The following FAAH2 variants were observed in gnomAD, a reference collection of about 807,000 sequenced individuals.
FAAH2 encodes fatty acid amide hydrolase 2.
In FAAH2, 60 loss-of-function variants were observed where a neutral mutation model predicts 36.9. The ratio of observed to expected loss-of-function variants is 1.63; its 90% CI spans 1.32 to 2.02. The LOEUF (loss-of-function observed/expected upper bound fraction) is 2.02. Among genes scored for constraint, FAAH2 ranks in the 30% most tolerant of loss-of-function variants. The pLI, the probability that FAAH2 is intolerant of heterozygous loss-of-function variation, is 0.00. For synonymous variants in FAAH2, 214 were observed against 143.8 expected (o/e 1.49, Z -3.49); for missense variants, 689 against 397.5 (o/e 1.73, Z -6.23).
chrX:57,418,345 G>A (rs1489318884), intron 7 of FAAH2, among the ~76,000 whole-genome samples: 1 of 111,816 alleles, frequency 8.9e-6, no homozygotes, highest in Non-Finnish European at 1.9e-5. Flanking sequence ...TTGAAGCCCA[G>A]GGCCCTGGTG....
the FAAH2 span, among the ~76,000 whole-genome samples, chrX:57,208,223 G>A: frequency 1.6e-3 from 175 of 112,238 alleles, no homozygotes; most frequent in African/African-American, 5.6e-3. Flanking sequence ...AATAAGGAGG[G>A]GATGCAGAAG....
chrX:57,294,226 G>C (rs1340703210), intron 2 of FAAH2, among the ~76,000 whole-genome samples: 1 of 112,110 alleles, frequency 8.9e-6, no homozygotes, highest in African/African-American at 3.2e-5. Flanking sequence ...ATTACACACA[G>C]TTCTATTGCA....
chrX:57,223,178 A>C, the FAAH2 span, among the ~76,000 whole-genome samples: 1 of 112,201 alleles, frequency 8.9e-6, no homozygotes, highest in Non-Finnish European at 1.9e-5. Context: ...AGGCTTCTAC[A>C]GAAAGTTGCC....
At chrX:57,394,257 G>A in intron 7 of FAAH2, 1 of 781,743 alleles carries the variant, frequency 1.3e-6, no homozygotes, top group Non-Finnish European at 2.0e-6. Context: ...TGGGCAAGAA[G>A]GGCTTGCACC....
chrX:57,174,884 A>C, the FAAH2 span, among the ~76,000 whole-genome samples: 5 of 111,854 alleles, frequency 4.5e-5, no homozygotes, highest in South Asian at 1.8e-3. Flanking sequence ...CATTTGTATA[A>C]TTTTGAGAGT....
At chrX:57,192,596 T>A in the FAAH2 span, among the ~76,000 whole-genome samples, 1 of 111,553 alleles carries the variant, frequency 9.0e-6, no homozygotes, top group East Asian at 2.8e-4. Context: ...CTGATGTATA[T>A]GGCTTTTATT....
At chrX:57,288,443 G>A (rs1284828093) in intron 1 of FAAH2, among the ~76,000 whole-genome samples, 4 of 100,084 alleles carry the variant, frequency 4.0e-5, no homozygotes, top group Non-Finnish European at 4.0e-5. Context: ...TCCGCCTCCC[G>A]GGTTGACGCC....
At chrX:57,251,340 A>G in the FAAH2 span, among the ~76,000 whole-genome samples, 1 of 111,950 alleles carries the variant, frequency 8.9e-6, no homozygotes, top group Admixed American at 9.5e-5. Flanking sequence ...TAGAGTTAGT[A>G]GGAAGGTACC....
the FAAH2 span, among the ~76,000 whole-genome samples, chrX:57,164,034 G>T: frequency 2.1e-4 from 24 of 112,233 alleles, no homozygotes; most frequent in Non-Finnish European, 9.4e-5. Flanking sequence ...CTCAAAGGAC[G>T]GTAATGGCAA....
At chrX:57,392,512 C>T (rs990982298) in intron 7 of FAAH2, 3 of 722,727 alleles carry the variant, frequency 4.2e-6, no homozygotes, top group East Asian at 3.5e-5. Context: ...GGGAAAACTC[C>T]TACTATTAGT....
chrX:57,356,660 C>T (rs1234975880), intron 5 of FAAH2, among the ~76,000 whole-genome samples: 2 of 110,855 alleles, frequency 1.8e-5, no homozygotes, highest in African/African-American at 6.5e-5. Context: ...GTCAACCTAG[C>T]TACAAGCTTG....
At chrX:57,387,574 T>G (rs767085408) in intron 7 of FAAH2, among the ~76,000 whole-genome samples, 1 of 111,458 alleles carries the variant, frequency 9.0e-6, no homozygotes, top group Non-Finnish European at 1.9e-5. Flanking sequence ...AGAACTTTAC[T>G]AAGAGTCCTA....
intron 3 of FAAH2, among the ~76,000 whole-genome samples, chrX:57,327,705 C>T (rs748799675): frequency 1.8e-5 from 2 of 111,506 alleles, no homozygotes; most frequent in South Asian, 3.8e-4. Flanking sequence ...CCTTTAAGGA[C>T]TTCTCTGCCT....
intron 1 of FAAH2, among the ~76,000 whole-genome samples, chrX:57,291,310 G>A (rs905786203): frequency 5.3e-4 from 59 of 111,930 alleles, no homozygotes; most frequent in African/African-American, 1.3e-3. Flanking sequence ...GTATATGACT[G>A]TTACAGCATC....
chrX:57,328,314 A>G (rs1388177595), intron 3 of FAAH2, among the ~76,000 whole-genome samples: 1 of 111,797 alleles, frequency 8.9e-6, no homozygotes, highest in African/African-American at 3.3e-5. Context: ...CAGTCTGTCC[A>G]TTCTCAGATC....
In FAAH2 at chrX:57,408,893, G is replaced by A. The variant is rs187613444; in HGVS notation, c.997-23025G>A. ...TTTATTGATTTTCATATACAGACTT[G>A]TGTCCCTTAACTATGGGATACATTT... On this transcript the variant is annotated intron_variant, in intron 7 of 10. Coordinates refer to ENST00000374900, the MANE Select transcript of FAAH2 (RefSeq NM_174912.4). 2.4e-3 allele frequency among the ~76,000 whole-genome samples: 272 copies of A among 111,374 alleles called. 1 individual carries two copies. Among genetic ancestry groups the A allele is most frequent in the African/African-American group, 8.6e-3 (264 of 30,734 alleles).
At chrX:57,233,059 T>G in the FAAH2 span, among the ~76,000 whole-genome samples, 1 of 112,450 alleles carries the variant, frequency 8.9e-6, no homozygotes, top group African/African-American at 3.2e-5. Flanking sequence ...AGATTCCTCC[T>G]CTGCTCATGA....
At chrX:57,468,328 C>T (rs191302776) in intron 10 of FAAH2, among the ~76,000 whole-genome samples, 7 of 111,376 alleles carry the variant, frequency 6.3e-5, no homozygotes, top group Admixed American at 4.8e-4. Context: ...GAACCCAATG[C>T]AAAGAAGTTA....
chrX:57,431,578 C>A (rs2056295574), intron 7 of FAAH2, among the ~76,000 whole-genome samples: 1 of 110,615 alleles, frequency 9.0e-6, no homozygotes, highest in Admixed American at 9.7e-5. Context: ...AATGGAGGAA[C>A]CAATAATTTG....
Sources: allele counts gnomAD v4.1 joint callset (sites outside exome capture counted in the v4.1 genomes callset), GRCh38; gene constraint gnomAD v4.1.1; transcripts MANE v1.5; gene names NCBI Gene and HGNC (gene_info 2026-07-23, HGNC 2026-07-21).